CDH20: variants seen among roughly 807,000 people sequenced by gnomAD.
The protein encoded by CDH20 is cadherin-20.
Under a neutral mutation model 74.2 loss-of-function variants are expected in CDH20, and 29 were observed. The observed-to-expected ratio is 0.39, with a 90% CI of 0.29 to 0.53. CDH20 has a LOEUF of 0.53. Ranked by LOEUF, CDH20 falls within the 20% of genes least tolerant of loss-of-function variation. The probability of loss-of-function intolerance (pLI) is 0.69; values close to 1 mark genes in which losing one functional copy is unlikely to be tolerated. For missense variants in CDH20, 988 were observed against 1,048.3 expected (o/e 0.94, Z 0.79); for synonymous variants, 469 against 405.4 (o/e 1.16, Z -1.88).
intron 1 of CDH20, among the ~76,000 whole-genome samples, chr18:61,391,114 TTA>T (rs1267022825): frequency 3.3e-5 from 5 of 152,184 alleles, no homozygotes; most frequent in Admixed American, 1.3e-4. Flanking sequence ...TACAAAAAAG[TTA>T]TGTTTCATCA....
intron 1 of CDH20, among the ~76,000 whole-genome samples, chr18:61,446,766 T>A (rs1909217514): frequency 6.6e-6 from 1 of 152,240 alleles, no homozygotes. Context: ...CTTTTTGATA[T>A]CCTTGGATAG....
At chr18:61,486,133 T>C (rs577252955) in intron 1 of CDH20, among the ~76,000 whole-genome samples, 2 of 152,298 alleles carry the variant, frequency 1.3e-5, no homozygotes, top group South Asian at 4.1e-4. Flanking sequence ...TCCTTCTGTA[T>C]AGAGTACAGA....
Position 61,550,025 on chromosome 18 carries a change from G to C in CDH20, c.1696G>C (p.Glu566Gln). ...CAGGAGGTCTGGTTTCCGGCAGCAG[G>C]AGCAGAGTGTCTTTCACCTGCCTAT... ...LTRRSGFRQQ[E>Q]QSVFHLPILI... Residue 566 changes from glutamate to glutamine, a missense_variant, in exon 11 of 12, where the codon GAG becomes CAG. Glu to Gln is a conservative substitution (Grantham distance 29, BLOSUM62 2). Coordinates refer to ENST00000262717, the MANE Select transcript of CDH20 (RefSeq NM_031891.4). 2 of 1,614,204 alleles carry C rather than the reference G, an allele frequency of 1.2e-6. No homozygotes were observed. Among genetic ancestry groups the C allele is most frequent in the Non-Finnish European group, 1.7e-6 (2 of 1,180,048 alleles).
chr18:61,498,521 G>A (rs1311157742), intron 2 of CDH20, among the ~76,000 whole-genome samples: 1 of 151,844 alleles, frequency 6.6e-6, no homozygotes, highest in Non-Finnish European at 1.5e-5. Context: ...ATGAACCCAA[G>A]AACCAGTCCC....
intron 1 of CDH20, among the ~76,000 whole-genome samples, chr18:61,465,325 CCT>C (rs1359818476): frequency 1.3e-5 from 2 of 152,150 alleles, no homozygotes; most frequent in African/African-American, 4.8e-5. Flanking sequence ...AGCCCCCTAG[CCT>C]CTCTCAATCA....
intron 7 of CDH20, among the ~76,000 whole-genome samples, chr18:61,528,598 A>G (rs879781540): frequency 2.0e-5 from 3 of 152,098 alleles, no homozygotes; most frequent in Admixed American, 1.3e-4. Context: ...GCCTTTACGC[A>G]CGAAATGCAG....
At position 61,536,648 on chromosome 18, in the gene CDH20, T is replaced by C. The variant is rs1260079341; in HGVS notation, c.1408+19T>C. The C allele has an allele frequency of 6.2e-7, 1 of 1,611,440 alleles. No individual in the cohort carries two copies. Among genetic ancestry groups the C allele is most frequent in the East Asian group, 2.2e-5 (1 of 44,858 alleles). On this transcript the variant is annotated intron_variant, in intron 8 of 11. Coordinates refer to ENST00000262717, the MANE Select transcript of CDH20 (RefSeq NM_031891.4). Reference sequence around the variant, plus strand: ...GAAATGAGTAAGTAGCACAGTAAGTTGGTCTCCATGCAGTGACAAAATATA... The same window carrying C: ...GAAATGAGTAAGTAGCACAGTAAGTCGGTCTCCATGCAGTGACAAAATATA...
At chr18:61,505,087 AC>A (rs1198056885) in intron 5 of CDH20, among the ~76,000 whole-genome samples, 1 of 152,112 alleles carries the variant, frequency 6.6e-6, no homozygotes, top group African/African-American at 2.4e-5. Context: ...CACACTATAG[AC>A]TATAAATTCT....
intron 1 of CDH20, among the ~76,000 whole-genome samples, chr18:61,338,999 T>C (rs1568100414): frequency 6.6e-6 from 1 of 152,174 alleles, no homozygotes; most frequent in African/African-American, 2.4e-5. Flanking sequence ...AAATTTGTAA[T>C]ATTTAATCAA....
At chr18:61,393,154 A>G (rs1314403586) in intron 1 of CDH20, among the ~76,000 whole-genome samples, 3 of 152,182 alleles carry the variant, frequency 2.0e-5, no homozygotes, top group African/African-American at 4.8e-5. Flanking sequence ...CTCTGTTGCC[A>G]TGTTCCTAAG....
chr18:61,502,871 C>T (rs1911433853), intron 4 of CDH20, 82 bp from the exon 5 acceptor site: 6 of 1,174,564 alleles, frequency 5.1e-6, no homozygotes, highest in Non-Finnish European at 4.8e-6. Context: ...TAATGGTGCA[C>T]CAGGGAGACA....
intron 10 of CDH20, 109 bp downstream of exon 10, chr18:61,545,253 A>G: frequency 1.3e-6 from 1 of 746,682 alleles, no homozygotes; most frequent in Non-Finnish European, 2.4e-6. Flanking sequence ...CCATACCAGC[A>G]GGGAGGATGT....
intron 1 of CDH20, among the ~76,000 whole-genome samples, chr18:61,371,046 G>C (rs1041327013): frequency 3.3e-5 from 5 of 151,964 alleles, no homozygotes; most frequent in Non-Finnish European, 7.4e-5. Flanking sequence ...TTTGTTGATG[G>C]GGCCATGATC....
At chr18:61,450,498 AG>A (rs1318795541) in intron 1 of CDH20, among the ~76,000 whole-genome samples, 1 of 152,060 alleles carries the variant, frequency 6.6e-6, no homozygotes, top group African/African-American at 2.4e-5. Context: ...TCAAGTCTAA[AG>A]CTCCTTTTCT....
intron 9 of CDH20, among the ~76,000 whole-genome samples, chr18:61,540,402 A>C (rs1032929436): frequency 2.0e-5 from 3 of 152,174 alleles, no homozygotes; most frequent in Non-Finnish European, 4.4e-5. Context: ...TGAGTAATTT[A>C]TAAAGAAAAA....
At chr18:61,346,514 A>G (rs1292477092) in intron 1 of CDH20, among the ~76,000 whole-genome samples, 1 of 152,228 alleles carries the variant, frequency 6.6e-6, no homozygotes, top group Admixed American at 6.5e-5. Flanking sequence ...TAAAAAATTG[A>G]AAAGCATAGC....
chr18:61,522,293 C>T (rs1912240039), intron 6 of CDH20, among the ~76,000 whole-genome samples: 1 of 152,150 alleles, frequency 6.6e-6, no homozygotes, highest in East Asian at 1.9e-4. Flanking sequence ...AGAGCCAAAT[C>T]ATGAGTGAAC....
intron 1 of CDH20, among the ~76,000 whole-genome samples, chr18:61,437,811 C>G (rs894370070): frequency 4.6e-5 from 7 of 152,142 alleles, no homozygotes; most frequent in African/African-American, 1.4e-4. Flanking sequence ...TTCCATAAAA[C>G]TATTCAGTGT....
intron 1 of CDH20, among the ~76,000 whole-genome samples, chr18:61,349,512 C>G (rs1910237649): frequency 6.6e-6 from 1 of 152,034 alleles, no homozygotes. Flanking sequence ...CTGTTTTTGC[C>G]ATGCAAAGAA....
Sources: gnomAD v4.1 joint callset for allele counts (sites outside exome capture counted in the v4.1 genomes callset) on GRCh38, gnomAD v4.1.1 for gene constraint, MANE v1.5 for transcripts, NCBI Gene and HGNC (gene_info 2026-07-23, HGNC 2026-07-21) for gene names.